ANKRD44: variants seen among roughly 807,000 people sequenced by gnomAD.
ANKRD44 encodes ankyrin repeat domain 44.
ANKRD44 carries 35 observed loss-of-function variants against 116.0 expected under a neutral mutation model. The ratio of observed to expected loss-of-function variants is 0.30; its 90% CI spans 0.23 to 0.40. The LOEUF (loss-of-function observed/expected upper bound fraction) is 0.40. Ranked by LOEUF, ANKRD44 falls within the 10% of genes least tolerant of loss-of-function variation. The probability of loss-of-function intolerance (pLI) is 1.00; values close to 1 mark genes in which losing one functional copy is unlikely to be tolerated. For synonymous variants in ANKRD44, 435 were observed against 461.8 expected, an observed-to-expected ratio of 0.94 and a Z score of 0.74; for missense variants, 1,014 against 1,242.6, an observed-to-expected ratio of 0.82 and a Z score of 2.77.
chr2:197,087,011 GATT>G (rs2077940899), intron 12 of ANKRD44, among the ~76,000 whole-genome samples: 1 of 152,086 alleles, frequency 6.6e-6, no homozygotes, highest in African/African-American at 2.4e-5. Flanking sequence ...GAAATTTAAT[GATT>G]ATTACATGAT....
intron 16 of ANKRD44, among the ~76,000 whole-genome samples, chr2:197,041,796 C>T (rs1170547527): frequency 6.6e-6 from 1 of 152,094 alleles, no homozygotes; most frequent in East Asian, 1.9e-4. Flanking sequence ...TACCTCTCTT[C>T]AAAAATAAAT....
At chr2:196,971,697 T>C (rs1013665252) in intron 21 of ANKRD44, among the ~76,000 whole-genome samples, 4 of 152,180 alleles carry the variant, frequency 2.6e-5, no homozygotes, top group African/African-American at 9.7e-5. Flanking sequence ...GGATACTGGC[T>C]AGCAGTAAAA....
chr2:197,237,861 G>A (rs2082009442), intron 1 of ANKRD44, among the ~76,000 whole-genome samples: 1 of 152,182 alleles, frequency 6.6e-6, no homozygotes, highest in Admixed American at 6.5e-5. Context: ...TCCTTTCCAT[G>A]CAGTGCACCA....
chr2:197,012,147 T>C (rs1362218005), intron 18 of ANKRD44, among the ~76,000 whole-genome samples: 1 of 152,226 alleles, frequency 6.6e-6, no homozygotes, highest in Non-Finnish European at 1.5e-5. Flanking sequence ...TTCTGCACAG[T>C]AGACATTTTG....
chr2:197,010,980 G>A (rs2076289244), intron 18 of ANKRD44, among the ~76,000 whole-genome samples: 1 of 152,164 alleles, frequency 6.6e-6, no homozygotes, highest in African/African-American at 2.4e-5. Context: ...GGAATAATGT[G>A]CACATTTTGT....
intron 8 of ANKRD44, among the ~76,000 whole-genome samples, chr2:197,114,091 G>A (rs986582733): frequency 5.3e-5 from 8 of 152,194 alleles, no homozygotes; most frequent in African/African-American, 1.2e-4. Flanking sequence ...GAACATTAAA[G>A]TTGAGACTAG....
chr2:197,300,648 T>C (rs2083875441), intron 1 of ANKRD44, among the ~76,000 whole-genome samples: 1 of 152,088 alleles, frequency 6.6e-6, no homozygotes, highest in Non-Finnish European at 1.5e-5. Flanking sequence ...TCAAGAATCC[T>C]AATGTGTGAT....
chr2:197,239,425 T>C (rs1343167770), intron 1 of ANKRD44, among the ~76,000 whole-genome samples: 1 of 152,106 alleles, frequency 6.6e-6, no homozygotes, highest in Non-Finnish European at 1.5e-5. Context: ...GACATGGGGT[T>C]TCACTATGTT....
At chr2:197,146,180 A>ATCAGAT (rs2079496383) in intron 3 of ANKRD44, among the ~76,000 whole-genome samples, 1 of 152,212 alleles carries the variant, frequency 6.6e-6, no homozygotes, top group Non-Finnish European at 1.5e-5. Flanking sequence ...ATAAACACAA[A>ATCAGAT]TCAGATTTAA....
In ANKRD44 at chr2:197,274,617, G is replaced by A. The variant is rs145505826; in HGVS notation, c.27+35961C>T. On this transcript the variant is annotated intron_variant, in intron 1 of 27. Coordinates refer to ENST00000282272, the MANE Select transcript of ANKRD44 (RefSeq NM_001195144.2). ...CTGAGGCCTTTTCAACTTTTCCCTC[G>A]GCCCAGTCCTGCGTCCTTCCCTTCC... 7.2e-3 allele frequency among the ~76,000 whole-genome samples: 1,101 copies of A among 152,206 alleles called. 12 individuals carry two copies. Among genetic ancestry groups the A allele is most frequent in the African/African-American group, 0.024 (1,005 of 41,524 alleles).
intron 1 of ANKRD44, among the ~76,000 whole-genome samples, chr2:197,239,960 A>T (rs938952854): frequency 6.6e-6 from 1 of 152,210 alleles, no homozygotes; most frequent in Non-Finnish European, 1.5e-5. Context: ...TTTTCTGCAA[A>T]TCTCTCTAAT....
intron 2 of ANKRD44, among the ~76,000 whole-genome samples, chr2:197,176,426 G>T (rs1037899833): frequency 1.2e-4 from 18 of 152,260 alleles, no homozygotes; most frequent in African/African-American, 4.1e-4. Flanking sequence ...ACTGAGGCCA[G>T]AGGAGGTTAA....
In ANKRD44 at chr2:197,125,338, T is replaced by C. The variant is rs754577224; in HGVS notation, c.550+43A>G. On this transcript the variant is annotated intron_variant, in intron 6 of 27. Transcript: ENST00000282272. ...AATGAGAGACCCATGGCTTATTTAG[T>C]TAAGGTTATCTGTACTTTGCTTTCC... The C allele has an allele frequency of 3.2e-6, 5 of 1,550,964 alleles. No homozygotes were observed. The Admixed American group carries it at 8.3e-5, about 26-fold the overall frequency.
intron 16 of ANKRD44, among the ~76,000 whole-genome samples, chr2:197,076,118 G>A (rs1256300709): frequency 2.0e-5 from 3 of 152,154 alleles, no homozygotes; most frequent in Non-Finnish European, 2.9e-5. Context: ...CTGGGATGGT[G>A]GAGTCAAAAA....
Position 197,247,407 on chromosome 2 carries a change from T to G in ANKRD44, c.28-60301A>C, listed in dbSNP as rs139634168. On this transcript the variant is annotated intron_variant, in intron 1 of 27. Transcript: ENST00000282272. Reference sequence around the variant, plus strand: ...AGTCCAGGAAACAGATTCCTTACAATGTACCCTTTTGTTCCCTGAAAGAAA... The same window carrying G: ...AGTCCAGGAAACAGATTCCTTACAAGGTACCCTTTTGTTCCCTGAAAGAAA... 9.6e-4 allele frequency among the ~76,000 whole-genome samples: 146 copies of G among 152,326 alleles called. 1 individual carries two copies. The highest frequency in any genetic ancestry group is 3.6e-3 in the Admixed American group (55 of 15,294).
intron 1 of ANKRD44, among the ~76,000 whole-genome samples, chr2:197,251,273 G>T (rs2082311223): frequency 6.6e-6 from 1 of 152,050 alleles, no homozygotes; most frequent in African/African-American, 2.4e-5. Flanking sequence ...GTCTGTTGTT[G>T]TCTATCCAAA....
chr2:197,148,277 C>T (rs771221628), intron 2 of ANKRD44, among the ~76,000 whole-genome samples: 3 of 152,178 alleles, frequency 2.0e-5, no homozygotes, highest in Non-Finnish European at 4.4e-5. Flanking sequence ...ACCGGCCTCA[C>T]TCTTCTTTAT....
chr2:197,310,726 G>T lies in ANKRD44; in HGVS notation c.-122C>A. The T allele has an allele frequency of 2.9e-6, 3 of 1,051,264 alleles. No homozygotes were observed. The highest frequency in any genetic ancestry group is 2.5e-6 in the Non-Finnish European group (2 of 808,100). 65.1% of individuals were successfully genotyped at this position (1,051,264 alleles called of 1,614,324 possible). A position where few individuals can be genotyped will look rare whatever the true frequency, so the allele number is the denominator to read the frequency against. ...AAAAATCTGGCTCCCGAATTTGACA[G>T]CCCTCCCCCTGCTCCTCCTCCGCCG... is the stretch of plus-strand genomic sequence containing the variant. On this transcript the variant is annotated 5_prime_UTR_variant, in exon 1 of 28. It adds an upstream start codon to the 5' untranslated region. Coordinates refer to ENST00000282272, the MANE Select transcript of ANKRD44 (RefSeq NM_001195144.2).
intron 18 of ANKRD44, among the ~76,000 whole-genome samples, chr2:197,012,218 A>G (rs1356934317): frequency 6.6e-6 from 1 of 152,194 alleles, no homozygotes; most frequent in African/African-American, 2.4e-5. Context: ...AAGCTGACTG[A>G]GTCTTCTTGA....
Sources: allele counts gnomAD v4.1 joint callset (sites outside exome capture counted in the v4.1 genomes callset), GRCh38; gene constraint gnomAD v4.1.1; transcripts MANE v1.5; gene names NCBI Gene and HGNC (gene_info 2026-07-23, HGNC 2026-07-21).